Variants in NPAS3 observed in about 807,000 individuals in gnomAD.
NPAS3 encodes neuronal PAS domain-containing protein 3.
NPAS3 carries 14 observed loss-of-function variants against 73.1 expected under a neutral mutation model. The observed-to-expected ratio is 0.19, with a 90% CI of 0.13 to 0.30. The LOEUF is 0.30. Among genes scored for constraint, NPAS3 ranks in the 10% least tolerant of loss-of-function variants. The pLI, the probability that NPAS3 is intolerant of heterozygous loss-of-function variation, is 1.00. For missense variants in NPAS3, 1,096 were observed against 1,250.0 expected (o/e 0.88, Z 1.86); for synonymous variants, 620 against 541.5 (o/e 1.14, Z -2.01).
intron 3 of NPAS3, among the ~76,000 whole-genome samples, chr14:33,284,210 A>C (rs2041762873): frequency 6.6e-6 from 1 of 152,186 alleles, no homozygotes; most frequent in African/African-American, 2.4e-5. Context: ...CTACAATATT[A>C]GGGGAAATGT....
chr14:33,080,081 A>G (rs2041816952), intron 2 of NPAS3, among the ~76,000 whole-genome samples: 2 of 152,102 alleles, frequency 1.3e-5, no homozygotes, highest in Non-Finnish European at 2.9e-5. Flanking sequence ...TTTTGAATGG[A>G]CATATAGTCC....
intron 2 of NPAS3, among the ~76,000 whole-genome samples, chr14:33,078,561 A>G (rs979541136): frequency 2.0e-5 from 3 of 151,810 alleles, no homozygotes; most frequent in African/African-American, 7.3e-5. Context: ...AAAAAAACCC[A>G]CATGTGAACC....
At chr14:33,311,369 A>G (rs933152964) in intron 3 of NPAS3, among the ~76,000 whole-genome samples, 5 of 152,172 alleles carry the variant, frequency 3.3e-5, no homozygotes, top group African/African-American at 1.2e-4. Flanking sequence ...TTTATGTGTA[A>G]GTTTCCTCTG....
intron 4 of NPAS3, among the ~76,000 whole-genome samples, chr14:33,528,285 A>T (rs1348735552): frequency 1.3e-5 from 2 of 151,930 alleles, no homozygotes; most frequent in East Asian, 3.9e-4. Flanking sequence ...CAAGCTGCAC[A>T]TTCATGCAGT....
chr14:33,090,634 T>G (rs1443928123), intron 2 of NPAS3, among the ~76,000 whole-genome samples: 1 of 152,178 alleles, frequency 6.6e-6, no homozygotes, highest in African/African-American at 2.4e-5. Flanking sequence ...AACTCAGCTC[T>G]GCACCAAGCA....
At chr14:33,316,616 G>A (rs1399850967) in intron 3 of NPAS3, among the ~76,000 whole-genome samples, 2 of 152,082 alleles carry the variant, frequency 1.3e-5, no homozygotes, top group African/African-American at 4.8e-5. Flanking sequence ...CATTAGACAA[G>A]CCCTTGTTAT....
chr14:33,181,281 C>A (rs1327763940), intron 2 of NPAS3, among the ~76,000 whole-genome samples: 3 of 152,100 alleles, frequency 2.0e-5, no homozygotes, highest in Non-Finnish European at 2.9e-5. Flanking sequence ...GGGGATCAGG[C>A]AGAGTGAGGA....
intron 4 of NPAS3, among the ~76,000 whole-genome samples, chr14:33,402,381 C>T (rs1326229450): frequency 1.3e-5 from 2 of 152,024 alleles, no homozygotes; most frequent in East Asian, 1.9e-4. Flanking sequence ...GTTGGAAAAG[C>T]GGTACTTTTT....
At chr14:33,139,586 C>G (rs955435375) in intron 2 of NPAS3, among the ~76,000 whole-genome samples, 1 of 152,134 alleles carries the variant, frequency 6.6e-6, no homozygotes, top group Admixed American at 6.6e-5. Flanking sequence ...TTGTATTCCT[C>G]AGACTTTCTC....
intron 5 of NPAS3, among the ~76,000 whole-genome samples, chr14:33,638,670 C>A (rs2058593813): frequency 6.6e-6 from 1 of 152,172 alleles, no homozygotes; most frequent in Admixed American, 6.5e-5. Flanking sequence ...CATTGCTGGG[C>A]TCCTTGGGGA....
chr14:33,203,325 A>AT (rs1338086131), intron 2 of NPAS3, among the ~76,000 whole-genome samples: 1 of 151,974 alleles, frequency 6.6e-6, no homozygotes, highest in Non-Finnish European at 1.5e-5. Context: ...ATTTTATTTT[A>AT]TTTATGTATT....
intron 4 of NPAS3, among the ~76,000 whole-genome samples, chr14:33,528,217 C>G (rs2053887632): frequency 6.6e-6 from 1 of 151,792 alleles, no homozygotes; most frequent in Non-Finnish European, 1.5e-5. Flanking sequence ...GTTTAATGTG[C>G]CCACCCCACT....
rs917898643 is a variant in NPAS3 at position 33,489,611 on chromosome 14, G to A, written c.469-70510G>A. Among the ~76,000 whole-genome samples, 19 of 152,168 alleles carry A rather than the reference G, an allele frequency of 1.2e-4. 1 individual carries two copies. The highest frequency in any genetic ancestry group is 6.3e-3 in the Middle Eastern group (2 of 316). On this transcript the variant is annotated intron_variant, in intron 4 of 11. Transcript: ENST00000356141. Reference sequence around the variant, plus strand: ...TAGCAAATATAATTGTAATTAAAGTGGTTGTGCTTTAAAAACCAAAATTCC... The same window carrying A: ...TAGCAAATATAATTGTAATTAAAGTAGTTGTGCTTTAAAAACCAAAATTCC...
intron 4 of NPAS3, among the ~76,000 whole-genome samples, chr14:33,441,494 C>T (rs941920133): frequency 6.6e-6 from 1 of 152,202 alleles, no homozygotes; most frequent in Non-Finnish European, 1.5e-5. Context: ...TCAAAATCAT[C>T]CAACTGCTGT....
intron 2 of NPAS3, among the ~76,000 whole-genome samples, chr14:33,096,377 T>C (rs2042420214): frequency 6.6e-6 from 1 of 152,164 alleles, no homozygotes; most frequent in African/African-American, 2.4e-5. Context: ...TTCCCTTTTT[T>C]GTTAAATGTT....
intron 2 of NPAS3, among the ~76,000 whole-genome samples, chr14:33,177,465 G>A (rs1056516132): frequency 3.5e-5 from 5 of 141,328 alleles, no homozygotes; most frequent in African/African-American, 1.6e-4. Context: ...TCTGTATGTT[G>A]TCCTTTCATT....
At chr14:33,644,918 T>G (rs1314829582) in intron 5 of NPAS3, among the ~76,000 whole-genome samples, 1 of 151,876 alleles carries the variant, frequency 6.6e-6, no homozygotes, top group Non-Finnish European at 1.5e-5. Flanking sequence ...TCGTCTTTAC[T>G]AAAAATACAA....
chr14:32,983,302 A>C (rs982983447), intron 1 of NPAS3, among the ~76,000 whole-genome samples: 8 of 152,140 alleles, frequency 5.3e-5, no homozygotes, highest in African/African-American at 1.9e-4. Context: ...AAATTCTCCC[A>C]CTTCTTACTT....
intron 5 of NPAS3, among the ~76,000 whole-genome samples, chr14:33,643,016 G>A (rs930520293): frequency 1.3e-5 from 2 of 152,110 alleles, no homozygotes; most frequent in South Asian, 2.1e-4. Flanking sequence ...ATCTCCTCTC[G>A]CAATAATCTT....
Sources: allele counts gnomAD v4.1 joint callset (sites outside exome capture counted in the v4.1 genomes callset), GRCh38; gene constraint gnomAD v4.1.1; transcripts MANE v1.5; gene names NCBI Gene and HGNC (gene_info 2026-07-23, HGNC 2026-07-21).